PRR16: variants seen among roughly 807,000 people sequenced by gnomAD.
PRR16 encodes proline rich 16, also known as protein Largen.
A neutral mutation model predicts 18.2 loss-of-function variants in PRR16; 6 were observed. The ratio of observed to expected loss-of-function variants is 0.33; its 90% confidence interval spans 0.18 to 0.65. The LOEUF (loss-of-function observed/expected upper bound fraction) is 0.65, where lower values mean the gene tolerates loss of function less well. PRR16 is among the 30% of genes least tolerant of loss of function. The pLI is 0.74. For synonymous variants in PRR16, 151 were observed against 147.8 expected (o/e 1.02, Z -0.16); for missense variants, 412 against 376.6 (o/e 1.09, Z -0.78).
chr5:120,590,151 CAA>C (rs1310201755), intron 1 of PRR16, among the ~76,000 whole-genome samples: 6 of 151,796 alleles, frequency 4.0e-5, no homozygotes. Context: ...ACCTAAATAA[CAA>C]TATTGAATGC....
At chr5:120,643,930 A>G (rs1307303155) in intron 1 of PRR16, among the ~76,000 whole-genome samples, 2 of 152,076 alleles carry the variant, frequency 1.3e-5, no homozygotes, top group African/African-American at 2.4e-5. Context: ...GCTTGAACCC[A>G]GGAGGTGGAG....
At chr5:120,679,726 A>G (rs1756914588) in intron 1 of PRR16, among the ~76,000 whole-genome samples, 1 of 152,138 alleles carries the variant, frequency 6.6e-6, no homozygotes, top group Non-Finnish European at 1.5e-5. Context: ...GAACGACATT[A>G]TGCTAAATGA....
At chr5:120,779,484 A>G in the PRR16 span, among the ~76,000 whole-genome samples, 1 of 152,174 alleles carries the variant, frequency 6.6e-6, no homozygotes, top group South Asian at 2.1e-4. Flanking sequence ...GAAACATCCT[A>G]GAGAAAACAT....
chr5:120,589,613 G>A (rs2018396), intron 1 of PRR16, among the ~76,000 whole-genome samples: 3 of 152,024 alleles, frequency 2.0e-5, no homozygotes, highest in African/African-American at 7.2e-5. Flanking sequence ...CATGGCAGGG[G>A]GTGAAAGGCA....
chr5:120,716,965 C>G, the PRR16 span, among the ~76,000 whole-genome samples: 1 of 152,088 alleles, frequency 6.6e-6, no homozygotes, highest in Non-Finnish European at 1.5e-5. Flanking sequence ...TATTCCTTAG[C>G]ATTTAGTCTA....
the PRR16 span, among the ~76,000 whole-genome samples, chr5:120,763,419 C>T: frequency 1.3e-5 from 2 of 152,114 alleles, no homozygotes; most frequent in African/African-American, 4.8e-5. Flanking sequence ...TAGGTGTGAG[C>T]CACCACGCCT....
At chr5:120,692,063 G>A (rs1424705781), downstream of PRR16, among the ~76,000 whole-genome samples, 7 of 152,160 alleles carry the variant, frequency 4.6e-5, no homozygotes, top group Admixed American at 3.9e-4. Context: ...AAGTCAGGCA[G>A]TCTGCCTCCA....
intron 1 of PRR16, among the ~76,000 whole-genome samples, chr5:120,609,469 A>C (rs1007844174): frequency 6.6e-6 from 1 of 152,144 alleles, no homozygotes; most frequent in African/African-American, 2.4e-5. Context: ...TTTTCTTTTC[A>C]AATTGTTTTG....
the PRR16 span, among the ~76,000 whole-genome samples, chr5:120,724,985 G>A: frequency 1.3e-5 from 2 of 151,996 alleles, no homozygotes; most frequent in Non-Finnish European, 2.9e-5. Flanking sequence ...TTTGAAACAT[G>A]ACAGGTGAAC....
downstream of PRR16, among the ~76,000 whole-genome samples, chr5:120,688,846 C>T (rs192439743): frequency 1.1e-4 from 16 of 152,268 alleles, no homozygotes; most frequent in East Asian, 2.5e-3. Flanking sequence ...TAAATTTAAT[C>T]GTTCAAGCTG....
the PRR16 span, among the ~76,000 whole-genome samples, chr5:120,778,414 TA>T: frequency 3.3e-5 from 5 of 152,178 alleles, no homozygotes; most frequent in Non-Finnish European, 7.4e-5. Context: ...CATGTTTGCC[TA>T]AAGAGAAAAA....
chr5:120,554,426 T>C (rs1183676162), intron 1 of PRR16, among the ~76,000 whole-genome samples: 1 of 151,940 alleles, frequency 6.6e-6, no homozygotes, highest in African/African-American at 2.4e-5. Flanking sequence ...CAAAACTAGG[T>C]ATTAAAGGAC....
the PRR16 span, among the ~76,000 whole-genome samples, chr5:120,716,709 T>C: frequency 7.2e-5 from 11 of 151,984 alleles, no homozygotes; most frequent in African/African-American, 1.2e-4. Context: ...ACCCCATCTC[T>C]TCTAAAAATA....
At chr5:120,697,654 G>A in the PRR16 span, among the ~76,000 whole-genome samples, 7 of 152,102 alleles carry the variant, frequency 4.6e-5, no homozygotes, top group Non-Finnish European at 8.8e-5. Flanking sequence ...AGTCAGCGAA[G>A]GGAGATAAGG....
chr5:120,585,973 A>C (rs1486569644), intron 1 of PRR16, among the ~76,000 whole-genome samples: 1 of 152,024 alleles, frequency 6.6e-6, no homozygotes, highest in Non-Finnish European at 1.5e-5. Context: ...CAAGTGATCG[A>C]GACCATCCTG....
the PRR16 span, among the ~76,000 whole-genome samples, chr5:120,742,049 CATTT>C: frequency 1.3e-5 from 2 of 151,996 alleles, no homozygotes; most frequent in African/African-American, 2.4e-5. Flanking sequence ...CTCTTGTTAG[CATTT>C]GTTTGATACA....
the PRR16 span, among the ~76,000 whole-genome samples, chr5:120,705,621 T>A: frequency 0.011 from 1,625 of 152,094 alleles, 27 homozygotes; most frequent in African/African-American, 0.038. Flanking sequence ...TGTTTTTGTG[T>A]TCTTTAGCTA....
intron 1 of PRR16, among the ~76,000 whole-genome samples, chr5:120,488,171 T>C (rs1245458291): frequency 6.6e-6 from 1 of 152,186 alleles, no homozygotes; most frequent in African/African-American, 2.4e-5. Flanking sequence ...ATAAAATGAG[T>C]TAGGGAGGTT....
chr5:120,667,345 T>G (rs1756424530), intron 1 of PRR16, among the ~76,000 whole-genome samples: 1 of 151,964 alleles, frequency 6.6e-6, no homozygotes, highest in African/African-American at 2.4e-5. Context: ...TCTTCTCTCT[T>G]TTTTTCTTTA....
Sources: gnomAD v4.1 joint callset for allele counts (sites outside exome capture counted in the v4.1 genomes callset) on GRCh38, gnomAD v4.1.1 for gene constraint, MANE v1.5 for transcripts, NCBI Gene and HGNC (gene_info 2026-07-23, HGNC 2026-07-21) for gene names.